Variants in AOPEP observed in about 807,000 individuals in gnomAD.
AOPEP encodes aminopeptidase O.
AOPEP carries 77 observed loss-of-function variants against 98.1 expected under a neutral mutation model. The observed-to-expected ratio is 0.78, with a 90% CI of 0.65 to 0.95. The LOEUF (loss-of-function observed/expected upper bound fraction) is 0.95, where lower values mean the gene tolerates loss of function less well. Among genes scored for constraint, AOPEP ranks in the 40% least tolerant of loss-of-function variants. The probability of loss-of-function intolerance (pLI) is 0.00; values close to 1 mark genes in which losing one functional copy is unlikely to be tolerated. For synonymous variants in AOPEP, 346 were observed against 365.3 expected, an observed-to-expected ratio of 0.95 and a Z score of 0.60; for missense variants, 1,024 against 1,024.7, an observed-to-expected ratio of 1.00 and a Z score of 0.01.
rs1430530180 is a variant in AOPEP at position 94,760,255 on chromosome 9, G to A, written c.472G>A (p.Glu158Lys). 6.2e-7 allele frequency: 1 copy of A among 1,614,190 alleles called. No individual in the cohort carries two copies. The highest frequency in any genetic ancestry group is 8.5e-7 in the Non-Finnish European group (1 of 1,180,040). The change falls in exon 2 of 17, where the codon GAG becomes AAG. Residue 158 changes from glutamate (E) to lysine (K), a missense_variant. Physicochemically the swap from Glu to Lys is moderately conservative, Grantham distance 56. Around this residue, in one of 3 missense-constraint regions of AOPEP, gnomAD observed 440 missense variants for 433.8 expected, o/e 1.01. Transcript: ENST00000375315. ...TGATTTATCTGTGTTAAAAGTCGAGGAGGTGGATGTTGCTGCTGTGCCAGG... is the reference window on the plus strand; with the variant it reads ...TGATTTATCTGTGTTAAAAGTCGAGAAGGTGGATGTTGCTGCTGTGCCAGG... ...CCDLSVLKVE[E>K]VDVAAVPGLE...
chr9:94,773,651 G>A (rs1255877160), intron 3 of AOPEP, among the ~76,000 whole-genome samples: 1 of 152,208 alleles, frequency 6.6e-6, no homozygotes, highest in Non-Finnish European at 1.5e-5. Flanking sequence ...AACCAAAGGT[G>A]TATAAGAAAG....
chr9:95,060,220 T>G (rs1434888395), intron 13 of AOPEP, among the ~76,000 whole-genome samples: 1 of 152,204 alleles, frequency 6.6e-6, no homozygotes, highest in Admixed American at 6.5e-5. Flanking sequence ...TGCTCTTTAT[T>G]TCTCAGTGTG....
chr9:94,787,854 C>G (rs1340494658), intron 3 of AOPEP, among the ~76,000 whole-genome samples: 1 of 152,062 alleles, frequency 6.6e-6, no homozygotes, highest in African/African-American at 2.4e-5. Context: ...TTAGAAGTAA[C>G]CACTTTTACC....
chr9:95,075,458 A>G (rs1266987017), intron 14 of AOPEP, among the ~76,000 whole-genome samples: 2 of 152,356 alleles, frequency 1.3e-5, no homozygotes, highest in Non-Finnish European at 1.5e-5. Context: ...CTGCAGTTTC[A>G]TCAAAGATGA....
intron 5 of AOPEP, among the ~76,000 whole-genome samples, chr9:94,902,984 A>G (rs912650750): frequency 4.0e-5 from 2 of 50,006 alleles, no homozygotes; most frequent in Admixed American, 2.0e-4. Flanking sequence ...AACCCGAAAG[A>G]TTTTTTTTTT....
chr9:94,731,790 CTTTTTTTTTT>C (rs564831468), intron 1 of AOPEP, among the ~76,000 whole-genome samples: 2 of 86,290 alleles, frequency 2.3e-5, no homozygotes, highest in Admixed American at 1.4e-4. Flanking sequence ...TCTCTTTTGC[CTTTTTTTTTT>C]TTTTTTTTTT....
At chr9:94,949,346 A>G (rs537358436) in intron 7 of AOPEP, among the ~76,000 whole-genome samples, 2 of 152,202 alleles carry the variant, frequency 1.3e-5, no homozygotes, top group Admixed American at 6.5e-5. Context: ...TCTGCTAACT[A>G]CAGAGTTTCT....
intron 5 of AOPEP, among the ~76,000 whole-genome samples, chr9:94,829,089 G>A (rs1257470597): frequency 7.9e-5 from 12 of 151,628 alleles, no homozygotes; most frequent in East Asian, 1.9e-4. Flanking sequence ...GGCTAGTCTC[G>A]AACTCCTGAC....
intron 5 of AOPEP, among the ~76,000 whole-genome samples, chr9:94,816,240 C>T (rs563503900): frequency 1.3e-5 from 2 of 152,268 alleles, no homozygotes; most frequent in South Asian, 4.1e-4. Flanking sequence ...AGGCATGGCC[C>T]CCACAGTGTA....
chr9:94,912,646 A>G (rs527447682), intron 5 of AOPEP, among the ~76,000 whole-genome samples: 104 of 152,332 alleles, frequency 6.8e-4, no homozygotes, highest in Non-Finnish European at 1.2e-3. Flanking sequence ...ATGCTGCCTT[A>G]ACAGCTAGCA....
Position 94,967,796 on chromosome 9 carries a change from A to G in AOPEP, c.1911A>G (p.Glu637=). The change falls in exon 10 of 17, where the codon GAA becomes GAG. Residue 637 remains glutamate (E), a synonymous_variant. Coordinates refer to ENST00000375315, the MANE Select transcript of AOPEP (RefSeq NM_001193329.3). ...TGCTACTGGAGAACATTCCAGAAGAAAAAAGGTAAGGACCAATTTAGGAAT... is the reference window on the plus strand; with the variant it reads ...TGCTACTGGAGAACATTCCAGAAGAGAAAAGGTAAGGACCAATTTAGGAAT... ...LQMLLENIPE[E]KRLELSVENI... is the part of the protein sequence containing the mutation. The G allele has an allele frequency of 6.2e-7, 1 of 1,613,094 alleles. No individual in the cohort carries two copies. Among genetic ancestry groups the G allele is most frequent in the East Asian group, 2.2e-5 (1 of 44,876 alleles).
intron 13 of AOPEP, among the ~76,000 whole-genome samples, chr9:95,044,813 C>T (rs1390709698): frequency 1.3e-5 from 2 of 152,036 alleles, no homozygotes; most frequent in African/African-American, 4.8e-5. Flanking sequence ...GCTGGTGTGC[C>T]CCTAGGGCCT....
chr9:95,129,932 T>C, the AOPEP span, among the ~76,000 whole-genome samples: 32 of 152,186 alleles, frequency 2.1e-4, no homozygotes, highest in Non-Finnish European at 4.0e-4. Flanking sequence ...TCTCCCCTCA[T>C]GGCTACCCAG....
chr9:95,044,486 A>C (rs372079307), intron 13 of AOPEP, among the ~76,000 whole-genome samples: 1 of 152,214 alleles, frequency 6.6e-6, no homozygotes, highest in African/African-American at 2.4e-5. Context: ...ATTCTGTTGT[A>C]TGGCAGAATA....
At chr9:94,931,023 C>T (rs2055210374) in intron 7 of AOPEP, among the ~76,000 whole-genome samples, 1 of 152,180 alleles carries the variant, frequency 6.6e-6, no homozygotes, top group African/African-American at 2.4e-5. Context: ...CTCTTAGTCC[C>T]TTTGATCCCT....
chr9:94,964,917 G>A (rs904375193), intron 9 of AOPEP, among the ~76,000 whole-genome samples: 4 of 152,078 alleles, frequency 2.6e-5, no homozygotes, highest in African/African-American at 9.7e-5. Context: ...GGGATTACAG[G>A]CGTGAGACAC....
intron 13 of AOPEP, among the ~76,000 whole-genome samples, chr9:95,048,269 T>C (rs1339595222): frequency 6.6e-6 from 1 of 152,198 alleles, no homozygotes; most frequent in Non-Finnish European, 1.5e-5. Flanking sequence ...GTCCTCACAT[T>C]GTGTAAGTGA....
chr9:95,110,275 T>C, the AOPEP span: 3 of 1,011,310 alleles, frequency 3.0e-6, no homozygotes, highest in Non-Finnish European at 3.6e-6. Context: ...AGTGATTCTC[T>C]GTCAGTAACC....
downstream of AOPEP, among the ~76,000 whole-genome samples, chr9:95,090,233 T>A (rs2070847638): frequency 1.3e-5 from 2 of 152,174 alleles, no homozygotes. Context: ...TTTGCCAGGT[T>A]TAATAAAAGA....
Sources: gnomAD v4.1 joint callset for allele counts (sites outside exome capture counted in the v4.1 genomes callset) on GRCh38, gnomAD v4.1.1 for gene constraint, gnomAD v4.1.1 regional missense constraint, MANE v1.5 for transcripts, NCBI Gene and HGNC (gene_info 2026-07-23, HGNC 2026-07-21) for gene names.